Variants in TAF2 observed in about 807,000 individuals in gnomAD.
TAF2 encodes transcription initiation factor TFIID subunit 2.
A neutral mutation model predicts 138.5 loss-of-function variants in TAF2; 61 were observed. That is an observed-to-expected ratio of 0.44 (90% CI 0.36 to 0.54). The LOEUF is 0.54. TAF2 is among the 20% of genes least tolerant of loss of function. TAF2 has a pLI of 0.00. For synonymous variants in TAF2, 475 were observed against 469.9 expected (o/e 1.01, Z -0.14); for missense variants, 1,090 against 1,427.9 (o/e 0.76, Z 3.81).
chr8:119,812,688 T>A (rs1825156511), intron 3 of TAF2, among the ~76,000 whole-genome samples: 1 of 152,074 alleles, frequency 6.6e-6, no homozygotes, highest in African/African-American at 2.4e-5. Context: ...AGACATTTCA[T>A]TATTTTTTTA....
chr8:119,820,392 T>C (rs963802393), intron 2 of TAF2, among the ~76,000 whole-genome samples: 1 of 152,170 alleles, frequency 6.6e-6, no homozygotes, highest in Non-Finnish European at 1.5e-5. Context: ...GAGGACTAGA[T>C]TATAATGGCT....
In TAF2 at chr8:119,762,450, T is replaced by G; in HGVS notation, c.2523A>C (p.Lys841Asn). The G allele has an allele frequency of 6.2e-7, 1 of 1,613,898 alleles. No homozygotes were observed. The highest frequency in any genetic ancestry group is 8.5e-7 in the Non-Finnish European group (1 of 1,179,910). The change falls in exon 19 of 26, where the codon AAA (lysine) becomes AAC (asparagine). Residue 841 changes from lysine to asparagine, a missense_variant. By Grantham distance (94) the Lys-to-Asn change is moderately conservative. Transcript: ENST00000378164. Reference sequence around the variant, plus strand: ...TGGTATGCCTGTAACTCGGAAGAAGTTTTTCCATATTCAAAAATCTGGTGA... The same window carrying G: ...TGGTATGCCTGTAACTCGGAAGAAGGTTTTCCATATTCAAAAATCTGGTGA... ...EEITRFLNME[K>N]LLPSYRHTIT...
chr8:119,812,718 GGTGT>G (rs201947539), intron 3 of TAF2, among the ~76,000 whole-genome samples: 3,522 of 143,916 alleles, frequency 0.024, 100 homozygotes, highest in African/African-American at 0.073. Flanking sequence ...AGTATTCCAT[GGTGT>G]GTGTGTGTGT....
At chr8:119,777,238 C>A (rs2131117999) in intron 18 of TAF2, among the ~76,000 whole-genome samples, 1 of 152,188 alleles carries the variant, frequency 6.6e-6, no homozygotes, top group South Asian at 2.1e-4. Context: ...TGGAACCAAT[C>A]CCCCATGGAT....
At chr8:119,811,799 C>G (rs945269936) in intron 3 of TAF2, among the ~76,000 whole-genome samples, 42 of 135,036 alleles carry the variant, frequency 3.1e-4, no homozygotes, top group African/African-American at 1.1e-3. Context: ...GAGTGAGACT[C>G]CGTCTCAAAA....
intron 3 of TAF2, among the ~76,000 whole-genome samples, chr8:119,812,387 A>C (rs1371629145): frequency 6.6e-6 from 1 of 151,718 alleles, no homozygotes; most frequent in Non-Finnish European, 1.5e-5. Flanking sequence ...ACATAGATGA[A>C]TTTTACAATA....
intron 18 of TAF2, among the ~76,000 whole-genome samples, chr8:119,774,372 T>C (rs944577241): frequency 6.6e-6 from 1 of 152,300 alleles, no homozygotes; most frequent in South Asian, 2.1e-4. Flanking sequence ...CTATGACATA[T>C]AGGCTATTTA....
intron 6 of TAF2, among the ~76,000 whole-genome samples, chr8:119,798,921 G>A (rs1042920253): frequency 6.6e-6 from 1 of 151,964 alleles, no homozygotes; most frequent in East Asian, 1.9e-4. Flanking sequence ...ATTTGTGTAT[G>A]CAAATAAAAA....
Position 119,806,419 on chromosome 8 carries a change from C to G in TAF2, c.300-18G>C. The G allele has an allele frequency of 6.3e-7, 1 of 1,584,322 alleles. No homozygotes were observed. The highest frequency in any genetic ancestry group is 8.7e-7 in the Non-Finnish European group (1 of 1,153,950). Reference sequence around the variant, plus strand: ...GGTTTCTCCTGGGGAAAAAAAAGAGCCAACTTTTAATAATAAGCCATGTAT... The same window carrying G: ...GGTTTCTCCTGGGGAAAAAAAAGAGGCAACTTTTAATAATAAGCCATGTAT... On this transcript the variant is annotated intron_variant, in intron 3 of 25. Transcript: ENST00000378164.
intron 22 of TAF2, 24 bp from the exon 23 acceptor site, chr8:119,746,958 T>C: frequency 6.2e-7 from 1 of 1,605,398 alleles, no homozygotes; most frequent in Non-Finnish European, 8.5e-7. Context: ...AATAAAGAAA[T>C]GAGTCAATAT....
chr8:119,793,323 T>TA, intron 10 of TAF2, 43 bp downstream of exon 10: 1 of 1,489,294 alleles, frequency 6.7e-7, no homozygotes, highest in South Asian at 1.1e-5. Context: ...AATTGTTATA[T>TA]ATAGTCAAGG....
intron 17 of TAF2, among the ~76,000 whole-genome samples, chr8:119,778,379 T>G (rs138335809): frequency 9.2e-5 from 14 of 152,234 alleles, no homozygotes; most frequent in Non-Finnish European, 2.1e-4. Flanking sequence ...CTATGTGCCT[T>G]GGCCTTCATT....
intron 3 of TAF2, among the ~76,000 whole-genome samples, chr8:119,816,197 C>T (rs1316362696): frequency 6.6e-6 from 1 of 151,804 alleles, no homozygotes; most frequent in African/African-American, 2.4e-5. Context: ...ACTACAGGCA[C>T]CCACTACTAC....
chr8:119,793,726 C>A (rs1327045023), intron 9 of TAF2, among the ~76,000 whole-genome samples: 3 of 152,164 alleles, frequency 2.0e-5, no homozygotes, highest in Non-Finnish European at 4.4e-5. Flanking sequence ...TTCTCAATCT[C>A]TCTGAGCTGT....
intron 25 of TAF2, 92 bp from the exon 26 acceptor site, chr8:119,732,278 G>T (rs931500993): frequency 4.2e-6 from 5 of 1,202,966 alleles, no homozygotes; most frequent in Admixed American, 3.5e-5. Context: ...ATGTAAAGAG[G>T]GATTCCTAAG....
At chr8:119,774,679 T>G (rs1181429093) in intron 18 of TAF2, among the ~76,000 whole-genome samples, 1 of 152,068 alleles carries the variant, frequency 6.6e-6, no homozygotes, top group East Asian at 1.9e-4. Flanking sequence ...AAAATCCCAA[T>G]CTTGGATTTC....
chr8:119,810,777 T>A (rs1347436075), intron 3 of TAF2, among the ~76,000 whole-genome samples: 1 of 152,176 alleles, frequency 6.6e-6, no homozygotes, highest in Non-Finnish European at 1.5e-5. Flanking sequence ...ATCAGGGAAA[T>A]GCAAAAATAA....
chr8:119,744,705 A>G (rs776531427), intron 23 of TAF2: 4 of 404,742 alleles, frequency 9.9e-6, no homozygotes, highest in Non-Finnish European at 1.9e-5. Flanking sequence ...GAGAAGAATT[A>G]TGTGATAATA....
At chr8:119,781,312 T>G in intron 16 of TAF2, 119 bp from the exon 17 acceptor site, 1 of 1,117,584 alleles carries the variant, frequency 8.9e-7, no homozygotes, top group Non-Finnish European at 1.3e-6. Flanking sequence ...CAACTTCACT[T>G]CTCAGAAATT....
Sources: gnomAD v4.1 joint callset for allele counts (sites outside exome capture counted in the v4.1 genomes callset) on GRCh38, gnomAD v4.1.1 for gene constraint, MANE v1.5 for transcripts, NCBI Gene and HGNC (gene_info 2026-07-23, HGNC 2026-07-21) for gene names.